The following CACNA2D3 variants were observed in gnomAD, a reference collection of about 807,000 sequenced individuals.
The protein encoded by CACNA2D3 is calcium voltage-gated channel auxiliary subunit alpha2delta 3.
CACNA2D3 carries 60 observed loss-of-function variants against 160.6 expected under a neutral mutation model. The ratio of observed to expected loss-of-function variants is 0.37; its 90% CI spans 0.30 to 0.46. The LOEUF is 0.46. CACNA2D3 is among the 20% of genes least tolerant of loss of function. The pLI is 1.00. For missense variants in CACNA2D3, 1,205 were observed against 1,365.0 expected, an observed-to-expected ratio of 0.88 and a Z score of 1.85; for synonymous variants, 558 against 492.9, an observed-to-expected ratio of 1.13 and a Z score of -1.75.
intron 4 of CACNA2D3, among the ~76,000 whole-genome samples, chr3:54,470,215 A>G (rs932063974): frequency 1.3e-5 from 2 of 152,262 alleles, no homozygotes; most frequent in African/African-American, 4.8e-5. Flanking sequence ...GAAGCCCATC[A>G]GAATAACAGC....
intron 4 of CACNA2D3, among the ~76,000 whole-genome samples, chr3:54,429,717 A>G (rs1699960989): frequency 6.6e-6 from 1 of 152,186 alleles, no homozygotes; most frequent in Non-Finnish European, 1.5e-5. Context: ...ACCCAGCAAT[A>G]TGAAGCCCCC....
At chr3:54,740,994 G>A (rs1701637603) in intron 11 of CACNA2D3, among the ~76,000 whole-genome samples, 2 of 152,152 alleles carry the variant, frequency 1.3e-5, no homozygotes, top group South Asian at 4.1e-4. Flanking sequence ...TTACTGTGGG[G>A]CTTTGGCCCC....
At chr3:54,626,473 G>T in intron 9 of CACNA2D3, 3 of 1,605,028 alleles carry the variant, frequency 1.9e-6, no homozygotes, top group Non-Finnish European at 1.7e-6. Flanking sequence ...CATCCTGCCC[G>T]AGATGGTGGG....
At chr3:54,439,308 G>GTGTGTGT (rs1700106951) in intron 4 of CACNA2D3, among the ~76,000 whole-genome samples, 1 of 120,630 alleles carries the variant, frequency 8.3e-6, no homozygotes, top group Admixed American at 9.7e-5. Context: ...CATAAAGGAG[G>GTGTGTGT]GTGTGTGTGT....
intron 9 of CACNA2D3, among the ~76,000 whole-genome samples, chr3:54,591,045 C>G (rs1198000766): frequency 2.0e-5 from 3 of 152,260 alleles, no homozygotes; most frequent in African/African-American, 7.2e-5. Context: ...TTAAATAATG[C>G]TGAGCTTCAT....
chr3:54,736,332 G>A lies in CACNA2D3; in HGVS notation c.1168-16267G>A, dbSNP rs150321640. Among the ~76,000 whole-genome samples, 17 of 151,528 alleles carry A rather than the reference G, an allele frequency of 1.1e-4. No individual in the cohort carries two copies. The East Asian group carries it at 3.3e-3, about 30-fold the overall frequency. On this transcript the variant is annotated intron_variant, in intron 11 of 37. Coordinates refer to ENST00000474759, the MANE Select transcript of CACNA2D3 (RefSeq NM_018398.3). ...ATAATTTAATCCCCTTCTGTGATAC[G>A]TTTAGGTTGTTGTAATTTTTCTGTA...
In CACNA2D3 at chr3:54,249,426, C is replaced by T. The variant is rs959829479; in HGVS notation, c.205-71016C>T. On this transcript the variant is annotated intron_variant, in intron 2 of 37. Coordinates refer to ENST00000474759, the MANE Select transcript of CACNA2D3 (RefSeq NM_018398.3). ...GCATCCCAGAGTGAGAAGGACTTCT[C>T]CAGCAGACTGTCTTTGAACTTTGTC... is the stretch of plus-strand genomic sequence containing the variant. 3.9e-5 allele frequency among the ~76,000 whole-genome samples: 6 copies of T among 152,178 alleles called. No individual in the cohort carries two copies. In the South Asian group the frequency reaches 1.2e-3, roughly 32 times the overall value.
chr3:54,418,631 A>G (rs1699793702), intron 4 of CACNA2D3, among the ~76,000 whole-genome samples: 1 of 152,246 alleles, frequency 6.6e-6, no homozygotes, highest in Admixed American at 6.5e-5. Flanking sequence ...TTCTGAAAAC[A>G]GAAAGACACA....
At chr3:54,232,616 C>A (rs1701795389) in intron 2 of CACNA2D3, among the ~76,000 whole-genome samples, 1 of 152,150 alleles carries the variant, frequency 6.6e-6, no homozygotes, top group African/African-American at 2.4e-5. Context: ...TTCCCCAACT[C>A]CACCATGCTT....
intron 11 of CACNA2D3, among the ~76,000 whole-genome samples, chr3:54,651,694 T>C (rs1381282653): frequency 3.3e-5 from 5 of 152,140 alleles, no homozygotes; most frequent in African/African-American, 1.2e-4. Flanking sequence ...GCCCCAAGCC[T>C]CCCCCGTGCT....
At chr3:54,125,439 C>T (rs922190605) in intron 2 of CACNA2D3, among the ~76,000 whole-genome samples, 1 of 152,244 alleles carries the variant, frequency 6.6e-6, no homozygotes, top group South Asian at 2.1e-4. Flanking sequence ...GTAATTATTT[C>T]CAGCTGTTTA....
intron 11 of CACNA2D3, among the ~76,000 whole-genome samples, chr3:54,717,166 T>G (rs1197054570): frequency 6.6e-6 from 1 of 152,208 alleles, no homozygotes; most frequent in Non-Finnish European, 1.5e-5. Flanking sequence ...GCCAAGGGTT[T>G]GTTTTTATCA....
chr3:54,449,316 TTATCTC>T (rs773579452), intron 4 of CACNA2D3, among the ~76,000 whole-genome samples: 2 of 152,180 alleles, frequency 1.3e-5, no homozygotes, highest in African/African-American at 4.8e-5. Flanking sequence ...ATACAGGAAT[TTATCTC>T]TATGTGTAGC....
At chr3:54,386,858 T>G in intron 4 of CACNA2D3, 84 bp downstream of exon 4, 1 of 1,266,938 alleles carries the variant, frequency 7.9e-7, no homozygotes, top group Admixed American at 2.2e-5. Context: ...ATACTGATTT[T>G]TCAGTGATTG....
chr3:54,764,526 G>A (rs894933417), intron 13 of CACNA2D3, among the ~76,000 whole-genome samples, 175 bp downstream of exon 13: 5 of 152,104 alleles, frequency 3.3e-5, no homozygotes, highest in African/African-American at 9.7e-5. Flanking sequence ...AAATCATAAC[G>A]TACTAGAAAG....
chr3:54,416,643 C>G (rs1311766660), intron 4 of CACNA2D3, among the ~76,000 whole-genome samples: 1 of 152,150 alleles, frequency 6.6e-6, no homozygotes, highest in Non-Finnish European at 1.5e-5. Flanking sequence ...CCGTAAAATT[C>G]AAACACATTT....
chr3:54,171,140 T>TTTTTTTTTTTTTTTTTTC (rs1700560374), intron 2 of CACNA2D3, among the ~76,000 whole-genome samples: 1 of 121,384 alleles, frequency 8.2e-6, no homozygotes, highest in African/African-American at 3.8e-5. Context: ...TGATGACTTT[T>TTTTTTTTTTTTTTTTTTC]TTTTTTTTTT....
At chr3:54,791,417 C>T (rs1269307612) in intron 13 of CACNA2D3, among the ~76,000 whole-genome samples, 1 of 152,186 alleles carries the variant, frequency 6.6e-6, no homozygotes, top group Non-Finnish European at 1.5e-5. Flanking sequence ...GAAATGCAAG[C>T]TAAGTTCATA....
At chr3:55,000,004 C>T (rs939983379) in intron 31 of CACNA2D3, among the ~76,000 whole-genome samples, 2 of 152,140 alleles carry the variant, frequency 1.3e-5, no homozygotes, top group African/African-American at 4.8e-5. Context: ...CATGTGGGCA[C>T]ACAGCGATGC....
Sources: allele counts gnomAD v4.1 joint callset (sites outside exome capture counted in the v4.1 genomes callset), GRCh38; gene constraint gnomAD v4.1.1; transcripts MANE v1.5; gene names NCBI Gene and HGNC (gene_info 2026-07-23, HGNC 2026-07-21).